ZNF487: variants seen among roughly 807,000 people sequenced by gnomAD.
The protein encoded by ZNF487 is KRAB domain only 1.
A neutral mutation model predicts 3.0 loss-of-function variants in ZNF487; 4 were observed. The ratio of observed to expected loss-of-function variants is 1.35; its 90% CI spans 0.66 to 3.08. The LOEUF (loss-of-function observed/expected upper bound fraction) is 3.08. Among genes scored for constraint, ZNF487 ranks in the 30% most tolerant of loss-of-function variants. The pLI, the probability that ZNF487 is intolerant of heterozygous loss-of-function variation, is 0.01. For synonymous variants in ZNF487, 55 were observed against 34.6 expected (o/e 1.59, Z -2.06); for missense variants, 146 against 98.7 (o/e 1.48, Z -2.03).
At chr10:43,460,771 C>CA (rs1393730640) in intron 1 of ZNF487, among the ~76,000 whole-genome samples, 2 of 151,732 alleles carry the variant, frequency 1.3e-5, no homozygotes, top group Non-Finnish European at 2.9e-5. Context: ...CAGCTTACTG[C>CA]AACCTTTGCC....
intron 3 of ZNF487, among the ~76,000 whole-genome samples, chr10:43,479,660 C>A (rs898647411): frequency 2.6e-5 from 4 of 151,716 alleles, no homozygotes; most frequent in East Asian, 1.9e-4. Context: ...TTATTCATTT[C>A]ATTTTGAGAT....
rs1841418703 is a variant in ZNF487 at position 43,482,917 on chromosome 10, CATGTAGTGA to C, written c.*1000_*1008del. The stretch of plus-strand genomic sequence containing the variant: ...ACCCACACAGGAGAGAAACCCTATG[CATGTAGTGA>C]ATGTGGGAAAACCTTCTACCAGAAG... On this transcript the variant is annotated 3_prime_UTR_variant, in exon 4 of 4. Transcript: ENST00000437590. 1 of 532,044 alleles carries C rather than the reference CATGTAGTGA, an allele frequency of 1.9e-6. No individual in the cohort carries two copies. The highest frequency in any genetic ancestry group is 3.9e-6 in the Non-Finnish European group (1 of 259,354). The allele number at this position is 532,044 out of a possible 1,614,324, so 33.0% of individuals were successfully genotyped here. A position where few individuals can be genotyped will look rare whatever the true frequency, so the allele number is the denominator to read the frequency against.
At chr10:43,520,174 T>C in the ZNF487 span, among the ~76,000 whole-genome samples, 2 of 129,690 alleles carry the variant, frequency 1.5e-5, no homozygotes, top group African/African-American at 2.9e-5. Flanking sequence ...CCTGACCAGA[T>C]TAAGTTCTTG....
chr10:43,455,161 AC>A (rs1840137696), intron 1 of ZNF487, among the ~76,000 whole-genome samples: 1 of 151,622 alleles, frequency 6.6e-6, no homozygotes, highest in Non-Finnish European at 1.5e-5. Flanking sequence ...GGCGCCCGCC[AC>A]CACGCCCGGC....
At position 43,442,360 on chromosome 10, in the gene ZNF487, C is replaced by T. The variant is rs115022842; in HGVS notation, c.-94+5098C>T. ...GTTTTGGAATTTTGGAGAGCACTGA[C>T]GTCTTTATTCTATTGAGTCTTTTAA... On this transcript the variant is annotated intron_variant, in intron 1 of 3. Coordinates refer to ENST00000437590, the MANE Select transcript of ZNF487 (RefSeq NM_001355444.3). 5.2e-3 allele frequency among the ~76,000 whole-genome samples: 787 copies of T among 152,112 alleles called. 6 individuals carry two copies. Among genetic ancestry groups the T allele is most frequent in the African/African-American group, 0.018 (759 of 41,526 alleles).
At chr10:43,504,336 C>T in the ZNF487 span, among the ~76,000 whole-genome samples, 5 of 143,962 alleles carry the variant, frequency 3.5e-5, no homozygotes, top group Admixed American at 7.4e-5. Context: ...CACTGTTGCC[C>T]GAGCTGGAGT....
At chr10:43,522,611 G>T in the ZNF487 span, among the ~76,000 whole-genome samples, 1 of 152,168 alleles carries the variant, frequency 6.6e-6, no homozygotes, top group East Asian at 1.9e-4. Context: ...GCGGGTGCCT[G>T]TAATCCCAGC....
At chr10:43,506,514 A>G in the ZNF487 span, among the ~76,000 whole-genome samples, 1 of 152,120 alleles carries the variant, frequency 6.6e-6, no homozygotes, top group Non-Finnish European at 1.5e-5. Context: ...TAAAATAAAT[A>G]AAATAAAATA....
chr10:43,510,153 G>A, the ZNF487 span, among the ~76,000 whole-genome samples: 1 of 152,302 alleles, frequency 6.6e-6, no homozygotes, highest in Admixed American at 6.5e-5. Context: ...GCACAAACAT[G>A]TTCTTAACAA....
rs959157764 is a variant in ZNF487 at position 43,481,792 on chromosome 10, A to G, written c.494A>G (p.Glu165Gly). 4.2e-6 allele frequency: 3 copies of G among 709,504 alleles called. No homozygotes were observed. The highest frequency in any genetic ancestry group is 7.8e-6 in the Non-Finnish European group (3 of 385,054). The allele number at this position is 709,504 out of a possible 1,614,324, so 44.0% of individuals were successfully genotyped here. A position where few individuals can be genotyped will look rare whatever the true frequency, so the allele number is the denominator to read the frequency against. ...AATGGGAAAGCCGTCTCTCAGAATGAGGACTTATTTAGGCATCAGTATATT... is the reference window on the plus strand; with the variant it reads ...AATGGGAAAGCCGTCTCTCAGAATGGGGACTTATTTAGGCATCAGTATATT... ...DGNGKAVSQNEDLFRHQYIQT... is the reference protein window; with the variant it reads ...DGNGKAVSQNGDLFRHQYIQT... The change falls in exon 4 of 4, where the codon GAG (glutamate) becomes GGG (glycine). Residue 165 changes from glutamate (E) to glycine (G), a missense_variant. Coordinates refer to ENST00000437590, the MANE Select transcript of ZNF487 (RefSeq NM_001355444.3).
intron 1 of ZNF487, among the ~76,000 whole-genome samples, chr10:43,470,097 T>A (rs576505728): frequency 6.6e-6 from 1 of 152,344 alleles, no homozygotes; most frequent in African/African-American, 2.4e-5. Flanking sequence ...TTTGCTTTAT[T>A]GCAGTGGTCC....
At chr10:43,488,175 A>G (rs1841486277), downstream of ZNF487, among the ~76,000 whole-genome samples, 1 of 151,964 alleles carries the variant, frequency 6.6e-6, no homozygotes, top group African/African-American at 2.4e-5. Flanking sequence ...ATTACTTATG[A>G]TATATAATCA....
At chr10:43,506,355 GA>G in the ZNF487 span, among the ~76,000 whole-genome samples, 1 of 151,916 alleles carries the variant, frequency 6.6e-6, no homozygotes, top group African/African-American at 2.4e-5. Flanking sequence ...ACAAAAAATT[GA>G]AAAATTAATA....
intron 1 of ZNF487, among the ~76,000 whole-genome samples, chr10:43,461,883 T>A (rs980099036): frequency 6.6e-6 from 1 of 152,182 alleles, no homozygotes; most frequent in African/African-American, 2.4e-5. Flanking sequence ...TCATTTGTCA[T>A]CCCCAGGTGG....
chr10:43,450,800 T>C (rs1010069148), intron 1 of ZNF487, among the ~76,000 whole-genome samples: 4 of 152,138 alleles, frequency 2.6e-5, no homozygotes, highest in African/African-American at 9.7e-5. Context: ...TAACAGTAGA[T>C]ACCAATGACT....
chr10:43,457,605 G>T (rs984295771), intron 1 of ZNF487, among the ~76,000 whole-genome samples: 2 of 148,822 alleles, frequency 1.3e-5, no homozygotes, highest in South Asian at 2.1e-4. Flanking sequence ...TCATGAGATC[G>T]CTTGAACGCG....
Position 43,482,233 on chromosome 10 carries a change from A to G in ZNF487, c.*311A>G. 4 of 438,390 alleles carry G rather than the reference A, an allele frequency of 9.1e-6. No homozygotes were observed. The highest frequency in any genetic ancestry group is 6.7e-5 in the South Asian group (3 of 45,096). The allele number at this position is 438,390 out of a possible 1,614,324, so 27.2% of individuals were successfully genotyped here. On this transcript the variant is annotated 3_prime_UTR_variant, in exon 4 of 4. Transcript: ENST00000437590. ...CTCAACATCAAGAAACACATATAGG[A>G]AAGAATGCCTATAAAATTAATCAGT...
chr10:43,450,745 G>T (rs886122379), intron 1 of ZNF487, among the ~76,000 whole-genome samples: 1 of 152,034 alleles, frequency 6.6e-6, no homozygotes, highest in African/African-American at 2.4e-5. Context: ...AAGTATTTCT[G>T]ATGTAAATTT....
intron 3 of ZNF487, 119 bp downstream of exon 3, chr10:43,476,321 C>A: frequency 1.6e-6 from 1 of 607,888 alleles, no homozygotes; most frequent in East Asian, 2.8e-5. Flanking sequence ...GTTACCAGAA[C>A]TTTGGAAGTG....
Sources: allele counts gnomAD v4.1 joint callset (sites outside exome capture counted in the v4.1 genomes callset), GRCh38; gene constraint gnomAD v4.1.1; transcripts MANE v1.5; gene names NCBI Gene and HGNC (gene_info 2026-07-23, HGNC 2026-07-21).